Variants in ZNF608 observed in about 807,000 individuals in gnomAD.
ZNF608 encodes renal carcinoma antigen NY-REN-36.
Under a neutral mutation model 109.0 loss-of-function variants are expected in ZNF608, and 12 were observed. The observed-to-expected ratio is 0.11, with a 90% CI of 0.07 to 0.18. The LOEUF (loss-of-function observed/expected upper bound fraction) is 0.18. Ranked by LOEUF, ZNF608 falls within the 10% of genes least tolerant of loss-of-function variation. The pLI is 1.00. For missense variants in ZNF608, 1,707 were observed against 1,879.3 expected (o/e 0.91, Z 1.70); for synonymous variants, 732 against 717.4 (o/e 1.02, Z -0.33).
At chr5:124,718,534 A>G (rs1237790386) in intron 2 of ZNF608, among the ~76,000 whole-genome samples, 1 of 152,216 alleles carries the variant, frequency 6.6e-6, no homozygotes, top group African/African-American at 2.4e-5. Context: ...CACATCAATT[A>G]TGGGCCACTG....
chr5:124,655,654 T>C (rs1306840431), intron 3 of ZNF608, among the ~76,000 whole-genome samples: 1 of 152,258 alleles, frequency 6.6e-6, no homozygotes, highest in Non-Finnish European at 1.5e-5. Flanking sequence ...AAAATTCATA[T>C]ATTTCAGATA....
At chr5:124,671,433 C>T (rs1751710329) in intron 3 of ZNF608, among the ~76,000 whole-genome samples, 1 of 152,154 alleles carries the variant, frequency 6.6e-6, no homozygotes, top group African/African-American at 2.4e-5. Flanking sequence ...TCCCATTCCA[C>T]ATTAAGTTTC....
At chr5:124,700,379 T>C (rs1382626020) in intron 3 of ZNF608, among the ~76,000 whole-genome samples, 7 of 152,392 alleles carry the variant, frequency 4.6e-5, no homozygotes, top group East Asian at 1.9e-4. Flanking sequence ...TTAATCCTGA[T>C]CCATTTCCTT....
chr5:124,677,072 T>C (rs1023522698), intron 3 of ZNF608, among the ~76,000 whole-genome samples: 3 of 152,222 alleles, frequency 2.0e-5, no homozygotes, highest in African/African-American at 7.2e-5. Flanking sequence ...TATGCATATG[T>C]TTTAAAATAT....
intron 3 of ZNF608, among the ~76,000 whole-genome samples, chr5:124,671,641 CTTTTTT>C (rs66998925): frequency 2.3e-5 from 3 of 129,752 alleles, no homozygotes; most frequent in Non-Finnish European, 1.6e-5. Context: ...TGGGGCTTCT[CTTTTTT>C]TTTTTTTTTT....
rs781157019 is a variant in ZNF608 at position 124,648,066 on chromosome 5, G to T, written c.2318C>A (p.Thr773Lys). 1.2e-6 allele frequency: 2 copies of T among 1,613,984 alleles called. No homozygotes were observed. Among genetic ancestry groups the T allele is most frequent in the Non-Finnish European group, 1.7e-6 (2 of 1,179,984 alleles). ...CTTTGGTGTAGCCTGAACAACAGTT[G>T]TTGTGAGGGAGGGCAGTCCGGGTAT... Reference protein sequence around the residue: ...GTIPGLPSLTTTVVQATPKSP... With the variant: ...GTIPGLPSLTKTVVQATPKSP... The change falls in exon 5 of 10, where the codon ACA becomes AAA. Residue 773 changes from threonine to lysine, a missense_variant. Physicochemically the swap from Thr to Lys is moderately conservative, Grantham distance 78. This residue lies in a region of ZNF608 where 1,073 missense variants were observed against 1,133.5 expected (regional missense o/e 0.95). Transcript: ENST00000513986.
chr5:124,639,246 T>G (rs1316757050), intron 8 of ZNF608, 32 bp from the exon 9 acceptor site: 19 of 1,602,194 alleles, frequency 1.2e-5, no homozygotes, highest in Non-Finnish European at 1.5e-5. Context: ...GTGTCTGTGA[T>G]CTTTAGAAGG....
intron 3 of ZNF608, among the ~76,000 whole-genome samples, chr5:124,698,420 T>A (rs1752930060): frequency 6.6e-6 from 1 of 152,200 alleles, no homozygotes; most frequent in Non-Finnish European, 1.5e-5. Flanking sequence ...ATAACTCTAT[T>A]AACAGCTCCA....
Position 124,647,949 on chromosome 5 carries a change from T to G in ZNF608, c.2435A>C (p.Lys812Thr). 6.2e-7 allele frequency: 1 copy of G among 1,614,122 alleles called. No individual in the cohort carries two copies. The highest frequency in any genetic ancestry group is 8.5e-7 in the Non-Finnish European group (1 of 1,180,020). Reference protein sequence around the residue: ...NPALVSLKDKKKKEKRKLKDK... With the variant: ...NPALVSLKDKTKKEKRKLKDK... ...CTTTAGCTTTCGCTTCTCCTTTTTC[T>G]TTTTGTCTTTGAGTGACACCAGAGC... Residue 812 changes from lysine (K) to threonine (T), a missense_variant, in exon 5 of 10, where the codon AAG becomes ACG. By Grantham distance (78) the Lys-to-Thr change is moderately conservative. This residue lies in a region of ZNF608 where 1,073 missense variants were observed against 1,133.5 expected (regional missense o/e 0.95). Coordinates refer to ENST00000513986, the MANE Select transcript of ZNF608 (RefSeq NM_020747.3).
chr5:124,693,369 T>G (rs1386500954), intron 3 of ZNF608, among the ~76,000 whole-genome samples: 1 of 152,188 alleles, frequency 6.6e-6, no homozygotes, highest in Non-Finnish European at 1.5e-5. Flanking sequence ...GGAAGAAGAT[T>G]AAAAAGCAGA....
chr5:124,662,632 T>C (rs1751310497), intron 3 of ZNF608, among the ~76,000 whole-genome samples: 1 of 152,258 alleles, frequency 6.6e-6, no homozygotes, highest in East Asian at 1.9e-4. Flanking sequence ...TCAGTCTTTA[T>C]TGACTCTGAC....
chr5:124,678,448 T>G (rs1752052391), intron 3 of ZNF608, among the ~76,000 whole-genome samples: 1 of 152,184 alleles, frequency 6.6e-6, no homozygotes. Flanking sequence ...ATTCCCCTTC[T>G]AAGTGCCACT....
chr5:124,719,194 T>C (rs897315143), intron 2 of ZNF608, among the ~76,000 whole-genome samples: 1 of 152,224 alleles, frequency 6.6e-6, no homozygotes, highest in African/African-American at 2.4e-5. Context: ...AGAATTAAAC[T>C]AGCTCTGACA....
At chr5:124,695,575 G>C (rs972363360) in intron 3 of ZNF608, among the ~76,000 whole-genome samples, 1 of 151,160 alleles carries the variant, frequency 6.6e-6, no homozygotes, top group African/African-American at 2.4e-5. Flanking sequence ...GACTAGCATG[G>C]GCAACATGGC....
chr5:124,735,974 C>A (rs747314512), intron 2 of ZNF608, among the ~76,000 whole-genome samples: 43 of 152,124 alleles, frequency 2.8e-4, no homozygotes, highest in Non-Finnish European at 5.4e-4. Flanking sequence ...AAATGTTGAG[C>A]TCATCTTCCA....
intron 3 of ZNF608, among the ~76,000 whole-genome samples, chr5:124,690,903 AC>A (rs766748135): frequency 6.8e-6 from 1 of 146,570 alleles, no homozygotes; most frequent in Non-Finnish European, 1.5e-5. Flanking sequence ...CAAAACAGGG[AC>A]TCCTTCAAAG....
At position 124,744,715 on chromosome 5, in the gene ZNF608, G is replaced by T; in HGVS notation, c.275C>A (p.Ala92Asp). 2 of 1,614,194 alleles carry T rather than the reference G, an allele frequency of 1.2e-6. No individual in the cohort carries two copies. Among genetic ancestry groups the T allele is most frequent in the Non-Finnish European group, 1.7e-6 (2 of 1,180,030 alleles). The change falls in exon 2 of 10, where the codon GCT (alanine) becomes GAT (aspartate). Residue 92 changes from alanine to aspartate, a missense_variant. Physicochemically the swap from Ala to Asp is moderately radical, Grantham distance 126. Coordinates refer to ENST00000513986, the MANE Select transcript of ZNF608 (RefSeq NM_020747.3). The surrounding 1 kb of genome is among the most constrained non-coding windows in gnomAD (Gnocchi z 4.5). ...CTCTTTGTGTGAATTCCCCTGGGGA[G>T]CAGAGGCCTGAACAGAAGCAAATTT... ...GLKFASVQASAPQGNSHKETS... is the reference protein window; with the variant it reads ...GLKFASVQASDPQGNSHKETS...
chr5:124,703,583 C>A (rs529000093), intron 2 of ZNF608, among the ~76,000 whole-genome samples: 2 of 152,198 alleles, frequency 1.3e-5, no homozygotes, highest in South Asian at 4.2e-4. Context: ...CTGAGCAACA[C>A]AGCAAGACCC....
intron 2 of ZNF608, among the ~76,000 whole-genome samples, chr5:124,714,128 T>A (rs1309023012): frequency 6.6e-6 from 1 of 151,434 alleles, no homozygotes; most frequent in Non-Finnish European, 1.5e-5. Context: ...AGAAGTAAAC[T>A]TTTTTAAAAA....
Sources: gnomAD v4.1 joint callset for allele counts (sites outside exome capture counted in the v4.1 genomes callset) on GRCh38, gnomAD v4.1.1 for gene constraint, gnomAD v4.1.1 regional missense constraint, Gnocchi (gnomAD v3.1) non-coding constraint, MANE v1.5 for transcripts, NCBI Gene and HGNC (gene_info 2026-07-23, HGNC 2026-07-21) for gene names.